The following LUC7L variants were observed in gnomAD, a reference collection of about 807,000 sequenced individuals.
LUC7L encodes LUC7 like.
In LUC7L, 29 loss-of-function variants were observed where a neutral mutation model predicts 51.1. The observed-to-expected ratio is 0.57, with a 90% CI of 0.42 to 0.77. LUC7L has a LOEUF of 0.77. Ranked by LOEUF, LUC7L falls within the 30% of genes least tolerant of loss-of-function variation. LUC7L has a pLI of 0.00. For missense variants in LUC7L, 403 were observed against 511.9 expected, an observed-to-expected ratio of 0.79 and a Z score of 2.05; for synonymous variants, 181 against 180.7, an observed-to-expected ratio of 1.00 and a Z score of -0.01.
intron 1 of LUC7L, chr16:227,553 T>A: frequency 7.3e-7 from 1 of 1,376,968 alleles, no homozygotes; most frequent in Non-Finnish European, 9.4e-7. Context: ...CTTAATGAGA[T>A]CTGACTCCAT....
At chr16:211,091 G>A (rs909712546) in intron 3 of LUC7L, among the ~76,000 whole-genome samples, 3 of 150,428 alleles carry the variant, frequency 2.0e-5, no homozygotes, top group African/African-American at 7.3e-5. Flanking sequence ...GGCCCAGCAC[G>A]GTGGCTCACG....
chr16:223,988 T>C (rs1224696267), intron 2 of LUC7L, among the ~76,000 whole-genome samples: 1 of 151,968 alleles, frequency 6.6e-6, no homozygotes, highest in East Asian at 1.9e-4. Context: ...TCATTCACTC[T>C]TCTAAGTTGT....
intron 2 of LUC7L, among the ~76,000 whole-genome samples, 164 bp downstream of exon 2, chr16:227,077 TG>T (rs1484473442): frequency 3.3e-5 from 5 of 152,182 alleles, no homozygotes; most frequent in African/African-American, 1.2e-4. Context: ...CTCCATCGCA[TG>T]CATGCATGCA....
In LUC7L at chr16:190,035, G is replaced by A. The variant is rs755361761; in HGVS notation, c.907C>T (p.Arg303Cys). 93 of 1,613,862 alleles carry A rather than the reference G, an allele frequency of 5.8e-5. No individual in the cohort carries two copies. Among genetic ancestry groups the A allele is most frequent in the East Asian group, 1.6e-4 (7 of 44,890 alleles). The change falls in exon 9 of 10, where the codon CGC becomes TGC. Residue 303 changes from arginine to cysteine, a missense_variant. Physicochemically the swap from Arg to Cys is radical, Grantham distance 180. Coordinates refer to ENST00000293872, the MANE Select transcript of LUC7L (RefSeq NM_201412.3). ...SRSRDRHRRHRSRSRSHSRGH... is the reference protein window; with the variant it reads ...SRSRDRHRRHCSRSRSHSRGH... Reference sequence around the variant, plus strand: ...CGGCTGTGGCTCCGGGAACGGCTGCGGTGGCGCCGATGTCTATCTCGGGAC... The same window carrying A: ...CGGCTGTGGCTCCGGGAACGGCTGCAGTGGCGCCGATGTCTATCTCGGGAC...
intron 3 of LUC7L, among the ~76,000 whole-genome samples, chr16:218,026 CA>C (rs11420593): frequency 0.02 from 2,557 of 130,250 alleles, 72 homozygotes; most frequent in African/African-American, 0.064. Flanking sequence ...ACTATATCTC[CA>C]AAAAAAAAAA....
At chr16:205,903 T>G in intron 5 of LUC7L, 101 bp downstream of exon 5, 1 of 1,422,104 alleles carries the variant, frequency 7.0e-7, no homozygotes, top group Non-Finnish European at 9.6e-7. Flanking sequence ...ATGTATAAAT[T>G]TTTTAAAAAA....
intron 2 of LUC7L, among the ~76,000 whole-genome samples, chr16:222,532 G>A (rs1008284177): frequency 1.1e-4 from 17 of 152,020 alleles, no homozygotes; most frequent in Non-Finnish European, 7.4e-5. Context: ...CAGCCACTTG[G>A]GAGGCTGAGG....
At chr16:207,902 G>A (rs942335271) in intron 4 of LUC7L, among the ~76,000 whole-genome samples, 176 bp downstream of exon 4, 1 of 152,020 alleles carries the variant, frequency 6.6e-6, no homozygotes. Flanking sequence ...CCAGCTACTC[G>A]GGAGGCTGAG....
chr16:227,581 C>G (rs2050162600), intron 1 of LUC7L: 1 of 1,322,140 alleles, frequency 7.6e-7, no homozygotes, highest in Non-Finnish European at 9.7e-7. Context: ...CCAAAGAAGT[C>G]AAGGAGTCAG....
At chr16:219,219 T>C (rs190455247) in intron 3 of LUC7L, among the ~76,000 whole-genome samples, 31 of 151,890 alleles carry the variant, frequency 2.0e-4, no homozygotes, top group African/African-American at 6.5e-4. Flanking sequence ...TAAAACCCCA[T>C]CTCTACCAAA....
At chr16:205,977 T>C in intron 5 of LUC7L, 27 bp downstream of exon 5, 1 of 1,589,840 alleles carries the variant, frequency 6.3e-7, no homozygotes, top group Non-Finnish European at 8.5e-7. Context: ...AAGATTTCTC[T>C]TGCCCTAAGG....
chr16:225,312 C>A (rs1464049796), intron 2 of LUC7L, among the ~76,000 whole-genome samples: 1 of 151,738 alleles, frequency 6.6e-6, no homozygotes, highest in Non-Finnish European at 1.5e-5. Flanking sequence ...ATGGTGAAAC[C>A]CCGTCTCTAC....
intron 7 of LUC7L, among the ~76,000 whole-genome samples, chr16:192,611 C>T (rs895763028): frequency 4.7e-5 from 7 of 147,472 alleles, no homozygotes; most frequent in Admixed American, 2.8e-4. Flanking sequence ...TCAAGTGATT[C>T]TCCCACCTCA....
chr16:220,758 G>A lies in LUC7L; in HGVS notation c.157-11C>T, dbSNP rs1260458933. 1.2e-6 allele frequency: 2 copies of A among 1,604,608 alleles called. No homozygotes were observed. The highest frequency in any genetic ancestry group is 2.2e-5 in the East Asian group (1 of 44,830). On this transcript the variant is annotated splice_polypyrimidine_tract_variant and intron_variant, in intron 2 of 9. Transcript: ENST00000293872. ...TCCTAAATCCATGCGCTGTGGGAAAGAAACAGAAAATGCAGACCTCAGTGC... is the reference window on the plus strand; with the variant it reads ...TCCTAAATCCATGCGCTGTGGGAAAAAAACAGAAAATGCAGACCTCAGTGC...
At chr16:228,261 C>T (rs780068933) in intron 1 of LUC7L, 4 of 1,300,448 alleles carry the variant, frequency 3.1e-6, no homozygotes, top group Non-Finnish European at 3.0e-6. Context: ...CTAAACTACA[C>T]TTTTAAAGTT....
chr16:220,685 A>T lies in LUC7L; in HGVS notation c.219T>A (p.Ile73=), dbSNP rs1265644759. Residue 73 remains isoleucine, a synonymous_variant, in exon 3 of 10, where the codon ATT becomes ATA. Coordinates refer to ENST00000293872, the MANE Select transcript of LUC7L (RefSeq NM_201412.3). ...AAAACAGGTCTCTTTCTTTACTTGC[A>T]ATCTCATAATCTGCTCGGAGGGCCA... ...HDLALRADYE[I]ASKERDLFFE... 1 of 1,613,994 alleles carries T rather than the reference A, an allele frequency of 6.2e-7. No individual in the cohort carries two copies. The highest frequency in any genetic ancestry group is 1.3e-5 in the African/African-American group (1 of 75,060).
chr16:219,867 C>T (rs2049916758), intron 3 of LUC7L, among the ~76,000 whole-genome samples: 2 of 147,940 alleles, frequency 1.4e-5, no homozygotes, highest in South Asian at 4.3e-4. Context: ...GAAACTCCGT[C>T]TCAAAAAAAA....
At chr16:204,189 A>G (rs1301311147) in intron 5 of LUC7L, among the ~76,000 whole-genome samples, 1 of 152,008 alleles carries the variant, frequency 6.6e-6, no homozygotes, top group Non-Finnish European at 1.5e-5. Context: ...CACGCCTGTG[A>G]TCCCAGCACT....
intron 3 of LUC7L, among the ~76,000 whole-genome samples, chr16:213,069 G>T (rs1215343268): frequency 6.6e-6 from 1 of 152,050 alleles, no homozygotes; most frequent in African/African-American, 2.4e-5. Context: ...CTGGCCATCT[G>T]TAACTTTTTC....
Sources: gnomAD v4.1 joint callset for allele counts (sites outside exome capture counted in the v4.1 genomes callset) on GRCh38, gnomAD v4.1.1 for gene constraint, MANE v1.5 for transcripts, NCBI Gene and HGNC (gene_info 2026-07-23, HGNC 2026-07-21) for gene names.